ZNF284: variants seen among roughly 807,000 people sequenced by gnomAD.
ZNF284 encodes zinc finger protein 284.
ZNF284 carries 12 observed loss-of-function variants against 12.9 expected under a neutral mutation model. The observed-to-expected ratio is 0.93, with a 90% CI of 0.60 to 1.51. The LOEUF (loss-of-function observed/expected upper bound fraction) is 1.51, where lower values mean the gene tolerates loss of function less well. ZNF284 is among the 40% of genes most tolerant of loss of function. The pLI, the probability that ZNF284 is intolerant of heterozygous loss-of-function variation, is 0.00. For synonymous variants in ZNF284, 225 were observed against 236.5 expected, an observed-to-expected ratio of 0.95 and a Z score of 0.45; for missense variants, 667 against 707.3, an observed-to-expected ratio of 0.94 and a Z score of 0.65.
chr19:44,072,565 C>T (rs1464186236), intron 1 of ZNF284, among the ~76,000 whole-genome samples: 1 of 152,204 alleles, frequency 6.6e-6, no homozygotes, highest in Non-Finnish European at 1.5e-5. Flanking sequence ...TTAGGACCAT[C>T]CTAATGAAAT....
rs946557856 is a variant in ZNF284, at chr19:44,087,679, C to G, written c.*419C>G. The G allele has an allele frequency of 3.3e-5, 5 of 151,586 alleles. No homozygotes were observed. The highest frequency in any genetic ancestry group is 1.2e-4 in the African/African-American group (5 of 40,698). The allele number at this position is 151,586 out of a possible 1,614,324, so 9.4% of individuals were successfully genotyped here. ...TGATCCTTTCTCACTGCAGCCTCCA[C>G]CTCCTGGGTTCAAGCGATTCTCCTG... On this transcript the variant is annotated 3_prime_UTR_variant, in exon 5 of 5. Coordinates refer to ENST00000421176, the MANE Select transcript of ZNF284 (RefSeq NM_001037813.4).
At chr19:44,075,826 G>A (rs997683314) in intron 1 of ZNF284, among the ~76,000 whole-genome samples, 3 of 152,076 alleles carry the variant, frequency 2.0e-5, no homozygotes, top group African/African-American at 7.2e-5. Flanking sequence ...TGATTTTTAG[G>A]AATTTTGTGA....
rs1967258353 is a variant in ZNF284, at chr19:44,086,720, C to T, written c.1242C>T (p.Gly414=). The change falls in exon 5 of 5, where the codon GGC becomes GGT. Residue 414 remains glycine (G), a synonymous_variant. Transcript: ENST00000421176. ...AGAGATTTTATATGAATTCACAGGG[C>T]CATTCACATCAGAGAGCCTATAGAG... ...CGKRFYMNSQ[G]HSHQRAYREE... The T allele has an allele frequency of 1.2e-6, 2 of 1,613,678 alleles. No individual in the cohort carries two copies. The highest frequency in any genetic ancestry group is 2.7e-5 in the African/African-American group (2 of 74,802).
At chr19:44,078,202 C>T (rs1479362215) in intron 2 of ZNF284, among the ~76,000 whole-genome samples, 3 of 151,972 alleles carry the variant, frequency 2.0e-5, no homozygotes, top group Non-Finnish European at 4.4e-5. Context: ...ATAGAAGTGG[C>T]CAATACATAT....
intron 1 of ZNF284, among the ~76,000 whole-genome samples, chr19:44,075,041 A>G (rs1967006579): frequency 6.6e-6 from 1 of 152,136 alleles, no homozygotes. Flanking sequence ...ATTGTTATCT[A>G]TTACATATCA....
rs371661208 is a variant in ZNF284 at position 44,081,990 on chromosome 19, TAA to T, written c.143-22_143-21del. The T allele has an allele frequency of 6.1e-5, 98 of 1,596,100 alleles. No individual in the cohort carries two copies. In the African/African-American group the frequency reaches 1.1e-3, roughly 18 times the overall value. On this transcript the variant is annotated intron_variant, in intron 3 of 4. Coordinates refer to ENST00000421176, the MANE Select transcript of ZNF284 (RefSeq NM_001037813.4). The stretch of plus-strand genomic sequence containing the variant: ...AATTTTACCTAAGATGTATTGGGAT[TAA>T]GCATGTGACTTTGTTCACAGGGCAT...
intron 4 of ZNF284, 111 bp downstream of exon 4, chr19:44,082,216 ATTCTTACCTCC>A (rs1276642699): frequency 6.5e-6 from 5 of 772,088 alleles, no homozygotes; most frequent in African/African-American, 1.8e-5. Flanking sequence ...TGTTTCCTGG[ATTCTTACCTCC>A]TTCCTGCTGG....
chr19:44,082,681 C>G (rs775932284), intron 4 of ZNF284, among the ~76,000 whole-genome samples: 2 of 152,188 alleles, frequency 1.3e-5, no homozygotes, highest in African/African-American at 4.8e-5. Context: ...TTTAATTTAC[C>G]AATCCCTAGG....
In ZNF284 at chr19:44,087,313, A is replaced by G; in HGVS notation, c.*53A>G. The G allele has an allele frequency of 7.9e-7, 1 of 1,268,068 alleles. No individual in the cohort carries two copies. Among genetic ancestry groups the G allele is most frequent in the Non-Finnish European group, 1.1e-6 (1 of 941,310 alleles). 78.6% of individuals were successfully genotyped at this position (1,268,068 alleles called of 1,614,324 possible). A position where few individuals can be genotyped will look rare whatever the true frequency, so the allele number is the denominator to read the frequency against. On this transcript the variant is annotated 3_prime_UTR_variant, in exon 5 of 5. Coordinates refer to ENST00000421176, the MANE Select transcript of ZNF284 (RefSeq NM_001037813.4). ...ATATTTCAATACATGTATACAATGT[A>G]TAATGATCAAATCAGTGTTATTAGC...
intron 1 of ZNF284, 113 bp from the exon 2 acceptor site, chr19:44,076,209 C>A (rs1208106065): frequency 3.7e-6 from 2 of 535,864 alleles, no homozygotes; most frequent in Non-Finnish European, 6.6e-6. Context: ...TGAATAATGC[C>A]CCTGTGAACA....
chr19:44,083,503 G>GA (rs1568522606), intron 4 of ZNF284, among the ~76,000 whole-genome samples: 5 of 22,412 alleles, frequency 2.2e-4, no homozygotes, highest in Non-Finnish European at 5.1e-4. Context: ...AGAGAGAGAG[G>GA]GAATGGAATA....
Position 44,085,822 on chromosome 19 carries a change from A to G in ZNF284, c.344A>G (p.Gln115Arg). ...EQTASELTRP[Q>R]DSISSSQFST... ...ACTGCAAGTGAGTTAACTAGACCTC[A>G]AGACTCCATAAGTAGCTCTCAGTTC... is the stretch of plus-strand genomic sequence containing the variant. The change falls in exon 5 of 5, where the codon CAA becomes CGA. Residue 115 changes from glutamine (Q) to arginine (R), a missense_variant. Coordinates refer to ENST00000421176, the MANE Select transcript of ZNF284 (RefSeq NM_001037813.4). 1 of 1,603,712 alleles carries G rather than the reference A, an allele frequency of 6.2e-7. No individual in the cohort carries two copies. The highest frequency in any genetic ancestry group is 8.5e-7 in the Non-Finnish European group (1 of 1,174,994).
In ZNF284 at chr19:44,086,556, A is replaced by T; in HGVS notation, c.1078A>T (p.Lys360Ter). The T allele has an allele frequency of 1.2e-6, 2 of 1,614,214 alleles. No individual in the cohort carries two copies. Among genetic ancestry groups the T allele is most frequent in the South Asian group, 2.2e-5 (2 of 91,086 alleles). The change falls in exon 5 of 5, where the codon AAG becomes TAG. Residue 360 changes from lysine (K) to a stop codon, truncating the protein, a stop_gained. Coordinates refer to ENST00000421176, the MANE Select transcript of ZNF284 (RefSeq NM_001037813.4). LOFTEE classifies it low-confidence loss of function (END_TRUNC). ...RSFTCRQDLC[K>*]HQMDHTGDKP... ...CTTCACTTGTAGGCAAGATCTTTGT[A>T]AGCATCAGATGGACCATACAGGAGA...
chr19:44,085,779 C>T lies in ZNF284; in HGVS notation c.301C>T (p.Gln101Ter). 1.9e-6 allele frequency: 3 copies of T among 1,614,110 alleles called. No individual in the cohort carries two copies. The highest frequency in any genetic ancestry group is 2.5e-6 in the Non-Finnish European group (3 of 1,180,006). ...ETGPHEEWSC[Q>*]QIWEQTASEL... ...AGGACCACATGAAGAGTGGTCTTGC[C>T]AGCAAATCTGGGAACAAACTGCAAG... Residue 101 changes from glutamine (Q) to a stop codon, truncating the protein, a stop_gained, in exon 5 of 5, where the codon CAG becomes TAG. Coordinates refer to ENST00000421176, the MANE Select transcript of ZNF284 (RefSeq NM_001037813.4). LOFTEE classifies it low-confidence loss of function (END_TRUNC).
intron 2 of ZNF284, among the ~76,000 whole-genome samples, chr19:44,079,750 G>C (rs1599878125): frequency 6.6e-6 from 1 of 151,484 alleles, no homozygotes; most frequent in African/African-American, 2.4e-5. Flanking sequence ...CAAAAAAAGA[G>C]AAACCCCATC....
chr19:44,073,709 G>A (rs944268306), intron 1 of ZNF284, among the ~76,000 whole-genome samples: 2 of 151,896 alleles, frequency 1.3e-5, no homozygotes, highest in Admixed American at 6.6e-5. Context: ...CACCACGCCC[G>A]GCTAATTTTT....
chr19:44,083,472 T>TAGAGAGAG lies in ZNF284; in HGVS notation c.235+1368_235+1369insGAGAGAGA, dbSNP rs1435032212. ...AGAAATATATATATATATATATATA[T>TAGAGAGAG]ATAGAGAGAGAGAGAGAGAGAGAGA... is the stretch of plus-strand genomic sequence containing the variant. On this transcript the variant is annotated intron_variant, in intron 4 of 4. Coordinates refer to ENST00000421176, the MANE Select transcript of ZNF284 (RefSeq NM_001037813.4). Among the ~76,000 whole-genome samples, 126 of 64,598 alleles carry TAGAGAGAG rather than the reference T, an allele frequency of 2.0e-3. 2 individuals carry two copies. The highest frequency in any genetic ancestry group is 5.7e-3 in the East Asian group (17 of 2,994). 42.4% of individuals were successfully genotyped at this position (64,598 alleles called of 152,430 possible).
At chr19:44,081,464 C>T (rs1247965887) in intron 3 of ZNF284, among the ~76,000 whole-genome samples, 2 of 152,120 alleles carry the variant, frequency 1.3e-5, no homozygotes, top group African/African-American at 4.8e-5. Flanking sequence ...GTAATCCCAG[C>T]ACTTTGGGAG....
chr19:44,082,199 C>A, intron 4 of ZNF284, 94 bp downstream of exon 4: 1 of 973,692 alleles, frequency 1.0e-6, no homozygotes, highest in Non-Finnish European at 1.5e-6. Context: ...GTATAAATGG[C>A]CAAACCTGTT....
Sources: allele counts gnomAD v4.1 joint callset (sites outside exome capture counted in the v4.1 genomes callset), GRCh38; gene constraint gnomAD v4.1.1; transcripts MANE v1.5; gene names NCBI Gene and HGNC (gene_info 2026-07-23, HGNC 2026-07-21).